PGS1: variants seen among roughly 807,000 people sequenced by gnomAD.
PGS1 encodes phosphatidylglycerophosphate synthase 1, also known as CDP-diacylglycerol--glycerol-3-phosphate 3-phosphatidyltransferase, mitochondrial.
Under a neutral mutation model 58.3 loss-of-function variants are expected in PGS1, and 44 were observed. The ratio of observed to expected loss-of-function variants is 0.75; its 90% CI spans 0.59 to 0.97. The LOEUF is 0.97. PGS1 is among the 50% of genes least tolerant of loss of function. The pLI, the probability that PGS1 is intolerant of heterozygous loss-of-function variation, is 0.00. For synonymous variants in PGS1, 330 were observed against 311.0 expected (o/e 1.06, Z -0.64); for missense variants, 684 against 731.1 (o/e 0.94, Z 0.74).
At chr17:78,398,076 T>C (rs2083377319) in intron 3 of PGS1, 176 bp from the exon 4 acceptor site, 1 of 685,860 alleles carries the variant, frequency 1.5e-6, no homozygotes. Flanking sequence ...CTTCTGATGA[T>C]CATGAAGGTG....
chr17:78,392,753 T>C, intron 2 of PGS1, 88 bp downstream of exon 2: 1 of 974,944 alleles, frequency 1.0e-6, no homozygotes, highest in South Asian at 1.6e-5. Flanking sequence ...GTCTAGAAAC[T>C]TTGGATAGCT....
In PGS1 at chr17:78,424,526, A is replaced by G. The variant is rs531737032; in HGVS notation, c.*476A>G. The G allele has an allele frequency of 3.7e-5, 8 of 217,258 alleles. No homozygotes were observed. The highest frequency in any genetic ancestry group is 1.0e-4 in the Admixed American group (2 of 19,478). 13.5% of individuals were successfully genotyped at this position (217,258 alleles called of 1,614,324 possible). Reference sequence around the variant, plus strand: ...TGTGTAATGTCTGCCCTATGTGTACATACACAATATAATTATACATCTGTG... The same window carrying G: ...TGTGTAATGTCTGCCCTATGTGTACGTACACAATATAATTATACATCTGTG... On this transcript the variant is annotated 3_prime_UTR_variant, in exon 10 of 10. Coordinates refer to ENST00000262764, the MANE Select transcript of PGS1 (RefSeq NM_024419.5).
At chr17:78,423,280 CCA>C (rs1278737380) in intron 9 of PGS1, among the ~76,000 whole-genome samples, 2 of 152,166 alleles carry the variant, frequency 1.3e-5, no homozygotes, top group East Asian at 1.9e-4. Context: ...ATCAGCCCAG[CCA>C]CAGAGTCCTA....
intron 1 of PGS1, among the ~76,000 whole-genome samples, chr17:78,387,898 A>G (rs772393694): frequency 6.6e-6 from 1 of 152,096 alleles, no homozygotes; most frequent in Non-Finnish European, 1.5e-5. Context: ...GTGCCTGGCC[A>G]TTTAGTTTTT....
chr17:78,396,314 A>G lies in PGS1; in HGVS notation c.340A>G (p.Ile114Val), dbSNP rs768677320. 4 of 1,612,982 alleles carry G rather than the reference A, an allele frequency of 2.5e-6. No homozygotes were observed. In the East Asian group the frequency reaches 8.9e-5, roughly 36 times the overall value. ...AATTTTTCTCCTCTCTCAGGGGCAG[A>G]TAAGAGTAGCCAAGAGGCGGGTCGT... Reference protein sequence around the residue: ...AEFFELMKGQIRVAKRRVVMA... With the variant: ...AEFFELMKGQVRVAKRRVVMA... The change falls in exon 3 of 10, where the codon ATA becomes GTA. Residue 114 changes from isoleucine (I) to valine (V), a missense_variant. Transcript: ENST00000262764.
intron 1 of PGS1, among the ~76,000 whole-genome samples, chr17:78,389,075 T>TTG (rs2082617537): frequency 2.2e-5 from 3 of 137,326 alleles, no homozygotes; most frequent in Non-Finnish European, 4.8e-5. Context: ...TTTTTTTTTT[T>TTG]GCGGGGGGAC....
chr17:78,379,427 G>A (rs1449769267), intron 1 of PGS1, among the ~76,000 whole-genome samples: 2 of 152,174 alleles, frequency 1.3e-5, no homozygotes, highest in Non-Finnish European at 2.9e-5. Context: ...TTATGTAAAT[G>A]ATGAAGTAGG....
chr17:78,399,798 T>C (rs974755768), intron 5 of PGS1: 1 of 530,870 alleles, frequency 1.9e-6, no homozygotes, highest in African/African-American at 1.9e-5. Context: ...CCACCCTCAG[T>C]GACCCTCTGT....
At chr17:78,393,092 G>A (rs1298127414) in intron 2 of PGS1, among the ~76,000 whole-genome samples, 5 of 143,280 alleles carry the variant, frequency 3.5e-5, no homozygotes, top group South Asian at 2.2e-4. Flanking sequence ...ATGGAGTCTC[G>A]CTCTGTCACC....
At chr17:78,378,832 A>C in intron 1 of PGS1, 24 bp downstream of exon 1, 1 of 1,394,316 alleles carries the variant, frequency 7.2e-7, no homozygotes, top group Non-Finnish European at 9.2e-7. Flanking sequence ...CCGGGATGAG[A>C]GTGCAGCCCT....
chr17:78,404,201 C>G, intron 7 of PGS1, 112 bp downstream of exon 7: 1 of 1,205,434 alleles, frequency 8.3e-7, no homozygotes, highest in Non-Finnish European at 1.1e-6. Flanking sequence ...TCCCTTCCTA[C>G]CTTCCCAGCA....
rs112415080 is a variant in PGS1 at position 78,424,307 on chromosome 17, C to T, written c.*257C>T. On this transcript the variant is annotated 3_prime_UTR_variant, in exon 10 of 10. Coordinates refer to ENST00000262764, the MANE Select transcript of PGS1 (RefSeq NM_024419.5). ...CAGCTGCCACGGCTGGAAGCAGAGG[C>T]CTTCGTAGGTGATGGCCTGCATGTT... is the stretch of plus-strand genomic sequence containing the variant. The T allele has an allele frequency of 2.2e-6, 2 of 928,438 alleles. No individual in the cohort carries two copies. Among genetic ancestry groups the T allele is most frequent in the Non-Finnish European group, 3.1e-6 (2 of 639,146 alleles). The allele number at this position is 928,438 out of a possible 1,614,324, so 57.5% of individuals were successfully genotyped here.
At chr17:78,397,589 A>ACCTC (rs1555631825) in intron 3 of PGS1, among the ~76,000 whole-genome samples, 1 of 129,674 alleles carries the variant, frequency 7.7e-6, no homozygotes, top group African/African-American at 2.6e-5. Flanking sequence ...GGCATGCGCC[A>ACCTC]CCCCCCCAGC....
Position 78,403,927 on chromosome 17 carries a change from G to A in PGS1, c.1240G>A (p.Glu414Lys). The change falls in exon 7 of 10, where the codon GAG (glutamate) becomes AAG (lysine). Residue 414 changes from glutamate to lysine, a missense_variant. Coordinates refer to ENST00000262764, the MANE Select transcript of PGS1 (RefSeq NM_024419.5). ...AEYQILLASP[E>K]VNGFFGAKGV... ...GTACCAGATCCTGCTGGCCTCACCA[G>A]AGGTGAATGGCTTCTTTGGGGCCAA... The A allele has an allele frequency of 6.2e-7, 1 of 1,614,224 alleles. No homozygotes were observed. The highest frequency in any genetic ancestry group is 8.5e-7 in the Non-Finnish European group (1 of 1,180,032).
intron 1 of PGS1, among the ~76,000 whole-genome samples, chr17:78,385,558 G>A (rs2146077741): frequency 6.6e-6 from 1 of 152,294 alleles, no homozygotes; most frequent in South Asian, 2.1e-4. Context: ...CAAAGTGTTG[G>A]GATTACAGGC....
chr17:78,416,463 C>T (rs556207200), intron 8 of PGS1, among the ~76,000 whole-genome samples: 9 of 152,270 alleles, frequency 5.9e-5, no homozygotes, highest in East Asian at 1.9e-4. Context: ...ATGGGTTCTG[C>T]GTGGATCTGA....
At chr17:78,413,159 T>A (rs2084870274) in intron 7 of PGS1, among the ~76,000 whole-genome samples, 1 of 152,184 alleles carries the variant, frequency 6.6e-6, no homozygotes, top group South Asian at 2.1e-4. Context: ...GTGGCTTTGA[T>A]GTGGCCCTTG....
intron 9 of PGS1, 188 bp from the exon 10 acceptor site, chr17:78,423,873 C>T (rs1297586500): frequency 1.2e-6 from 2 of 1,611,570 alleles, no homozygotes; most frequent in Non-Finnish European, 1.7e-6. Context: ...GTGGTCCAGC[C>T]CCAGGGAGTG....
rs368599157 is a variant in PGS1, at chr17:78,414,923, C to A, written c.1447C>A (p.Leu483Met). The A allele has an allele frequency of 1.2e-6, 2 of 1,614,046 alleles. No individual in the cohort carries two copies. Among genetic ancestry groups the A allele is most frequent in the African/African-American group, 2.7e-5 (2 of 74,938 alleles). Reference sequence around the variant, plus strand: ...AGGGAGCAGCCTGCCCTGTCTCACGCTGATTGGCTCTCCTAATTTTGGGTA... The same window carrying A: ...AGGGAGCAGCCTGCCCTGTCTCACGATGATTGGCTCTCCTAATTTTGGGTA... Reference protein sequence around the residue: ...LAGSSLPCLTLIGSPNFGYRS... With the variant: ...LAGSSLPCLTMIGSPNFGYRS... The change falls in exon 8 of 10, where the codon CTG (leucine) becomes ATG (methionine). Residue 483 changes from leucine (L) to methionine (M), a missense_variant. Physicochemically the swap from Leu to Met is conservative, Grantham distance 15. Coordinates refer to ENST00000262764, the MANE Select transcript of PGS1 (RefSeq NM_024419.5).
Sources: gnomAD v4.1 joint callset for allele counts (sites outside exome capture counted in the v4.1 genomes callset) on GRCh38, gnomAD v4.1.1 for gene constraint, MANE v1.5 for transcripts, NCBI Gene and HGNC (gene_info 2026-07-23, HGNC 2026-07-21) for gene names.